LHX8: variants seen among roughly 807,000 people sequenced by gnomAD.
LHX8 encodes the protein LIM homeobox 8.
Under a neutral mutation model 40.3 loss-of-function variants are expected in LHX8, and 12 were observed. The ratio of observed to expected loss-of-function variants is 0.30; its 90% CI spans 0.19 to 0.48. The LOEUF (loss-of-function observed/expected upper bound fraction) is 0.48. LHX8 is among the 20% of genes least tolerant of loss of function. LHX8 has a pLI of 0.99. For missense variants in LHX8, 344 were observed against 433.7 expected, an observed-to-expected ratio of 0.79 and a Z score of 1.84; for synonymous variants, 179 against 162.0, an observed-to-expected ratio of 1.10 and a Z score of -0.80.
the LHX8 span, among the ~76,000 whole-genome samples, chr1:75,198,950 C>T: frequency 6.6e-6 from 1 of 152,108 alleles, no homozygotes; most frequent in African/African-American, 2.4e-5. Flanking sequence ...CATGTAAAAG[C>T]ACTGTGAAAA....
chr1:75,194,916 C>T, the LHX8 span, among the ~76,000 whole-genome samples: 2 of 152,162 alleles, frequency 1.3e-5, no homozygotes, highest in African/African-American at 4.8e-5. Flanking sequence ...ATTAGGGAAT[C>T]TTACAACTTG....
chr1:75,155,225 ACT>A (rs1162924259), intron 7 of LHX8, among the ~76,000 whole-genome samples: 5 of 127,102 alleles, frequency 3.9e-5, no homozygotes, highest in African/African-American at 1.2e-4. Flanking sequence ...ATGAAGAAAC[ACT>A]CTCTTTTTTT....
the LHX8 span, among the ~76,000 whole-genome samples, chr1:75,181,135 G>T: frequency 3.3e-5 from 5 of 152,206 alleles, no homozygotes; most frequent in Non-Finnish European, 5.9e-5. Flanking sequence ...CCCCTACTGG[G>T]AGGTTTCTCC....
intron 7 of LHX8, among the ~76,000 whole-genome samples, chr1:75,155,430 T>G (rs11588106): frequency 0.42 from 63,891 of 151,694 alleles, 13,623 homozygotes; most frequent in African/African-American, 0.46. Context: ...GAGATGGAGT[T>G]TCACTGTTTT....
the LHX8 span, among the ~76,000 whole-genome samples, chr1:75,199,165 G>A: frequency 6.6e-6 from 1 of 152,170 alleles, no homozygotes; most frequent in African/African-American, 2.4e-5. Context: ...TTTTTCAATA[G>A]ATTTATGAAT....
chr1:75,135,332 C>G (rs1051405828), intron 1 of LHX8, among the ~76,000 whole-genome samples: 3 of 152,234 alleles, frequency 2.0e-5, no homozygotes, highest in African/African-American at 7.2e-5. Flanking sequence ...CTCAGCAGGA[C>G]GCGCGCGGGG....
At chr1:75,177,843 T>C in the LHX8 span, among the ~76,000 whole-genome samples, 35,988 of 152,084 alleles carry the variant, frequency 0.24, 4,657 homozygotes, top group Middle Eastern at 0.35. Flanking sequence ...TTTTGAGATA[T>C]GTTCCATCAA....
chr1:75,179,770 G>A, the LHX8 span, among the ~76,000 whole-genome samples: 2 of 152,122 alleles, frequency 1.3e-5, no homozygotes, highest in African/African-American at 2.4e-5. Flanking sequence ...AGTTGATGCA[G>A]TTTCTTCCTA....
the LHX8 span, among the ~76,000 whole-genome samples, chr1:75,178,223 T>C: frequency 2.0e-5 from 3 of 152,150 alleles, no homozygotes; most frequent in African/African-American, 7.2e-5. Flanking sequence ...TCTTTTTCTA[T>C]GATTGGAATA....
the LHX8 span, among the ~76,000 whole-genome samples, chr1:75,185,362 T>G: frequency 6.6e-6 from 1 of 151,948 alleles, no homozygotes; most frequent in African/African-American, 2.4e-5. Flanking sequence ...AACAAAATAC[T>G]GACAAATGGA....
chr1:75,133,434 G>A (rs910148127), upstream of LHX8, among the ~76,000 whole-genome samples: 11 of 152,138 alleles, frequency 7.2e-5, no homozygotes, highest in Admixed American at 7.2e-4. Context: ...ATATGTGTGT[G>A]TGCGTGTGTG....
the LHX8 span, among the ~76,000 whole-genome samples, chr1:75,177,785 C>T: frequency 6.6e-6 from 1 of 152,126 alleles, no homozygotes; most frequent in Admixed American, 6.5e-5. Flanking sequence ...AGTTTTTGCC[C>T]ATTCAGTATG....
chr1:75,140,839 TAA>T, intron 3 of LHX8, 144 bp from the exon 4 acceptor site: 1 of 793,978 alleles, frequency 1.3e-6, no homozygotes, highest in Non-Finnish European at 2.0e-6. Flanking sequence ...AATGACATCT[TAA>T]AAAAAAATGA....
At chr1:75,180,734 T>C in the LHX8 span, among the ~76,000 whole-genome samples, 1 of 152,238 alleles carries the variant, frequency 6.6e-6, no homozygotes, top group African/African-American at 2.4e-5. Context: ...GTTCTCCTGC[T>C]GGCAAGGAGC....
At chr1:75,132,231 C>T (rs1647992396), upstream of LHX8, 1 of 152,266 alleles carries the variant, frequency 6.6e-6, no homozygotes, top group Non-Finnish European at 1.5e-5. Flanking sequence ...GTCAGAAGGT[C>T]GTTGGACCCC....
At chr1:75,153,773 A>C (rs565222442) in intron 7 of LHX8, among the ~76,000 whole-genome samples, 2 of 152,216 alleles carry the variant, frequency 1.3e-5, no homozygotes, top group East Asian at 3.9e-4. Context: ...TTGTTTTCTT[A>C]AACTTTTATT....
the LHX8 span, among the ~76,000 whole-genome samples, chr1:75,167,214 C>T: frequency 6.6e-6 from 1 of 152,240 alleles, no homozygotes; most frequent in South Asian, 2.1e-4. Context: ...CGTTTTGCCA[C>T]ATCCCACCAT....
At chr1:75,195,329 C>G in the LHX8 span, among the ~76,000 whole-genome samples, 14,781 of 152,166 alleles carry the variant, frequency 0.097, 1,068 homozygotes, top group African/African-American at 0.19. Context: ...TGCCCATGCG[C>G]CCTTCCTCAA....
At chr1:75,191,423 C>T in the LHX8 span, among the ~76,000 whole-genome samples, 1 of 152,120 alleles carries the variant, frequency 6.6e-6, no homozygotes, top group African/African-American at 2.4e-5. Flanking sequence ...AGTGCCAGCG[C>T]CTTCCAAGGG....
Sources: allele counts gnomAD v4.1 joint callset (sites outside exome capture counted in the v4.1 genomes callset), GRCh38; gene constraint gnomAD v4.1.1; transcripts MANE v1.5; gene names NCBI Gene and HGNC (gene_info 2026-07-23, HGNC 2026-07-21).